Variants in GARIN5A observed in about 807,000 individuals in gnomAD.
The protein encoded by GARIN5A is Golgi-associated RAB2 interactor protein 5A.
chr19:50,469,376 C>T, the GARIN5A span, among the ~76,000 whole-genome samples: 3 of 152,188 alleles, frequency 2.0e-5, no homozygotes, highest in African/African-American at 4.8e-5. Context: ...GAGACTTCCC[C>T]GTAGTCCTTT....
chr19:50,467,844 G>GCTTC, the GARIN5A span: 2 of 1,611,556 alleles, frequency 1.2e-6, no homozygotes, highest in Non-Finnish European at 1.7e-6. Context: ...GTGGGAGGAA[G>GCTTC]GGGCGGCCTC....
the GARIN5A span, chr19:50,476,684 C>G: frequency 7.1e-7 from 1 of 1,402,554 alleles, no homozygotes; most frequent in South Asian, 1.4e-5. Context: ...CTGTGCATAG[C>G]GGGCGCGGTC....
the GARIN5A span, among the ~76,000 whole-genome samples, chr19:50,472,168 G>GTGTGTATATGTA: frequency 2.4e-5 from 3 of 123,956 alleles, no homozygotes; most frequent in Admixed American, 1.6e-4. Flanking sequence ...GTATGTATAC[G>GTGTGTATATGTA]TGTGTATATG....
At chr19:50,471,843 TGC>T in the GARIN5A span, among the ~76,000 whole-genome samples, 734 of 148,914 alleles carry the variant, frequency 4.9e-3, 10 homozygotes, top group East Asian at 0.025. Context: ...CATATCTGTG[TGC>T]ATACGCATAC....
chr19:50,472,061 T>C, the GARIN5A span, among the ~76,000 whole-genome samples: 1 of 135,622 alleles, frequency 7.4e-6, no homozygotes, highest in African/African-American at 3.6e-5. Flanking sequence ...TATACGTGTG[T>C]GTATATGTGT....
the GARIN5A span, among the ~76,000 whole-genome samples, chr19:50,472,281 A>G: frequency 4.2e-3 from 613 of 145,038 alleles, 13 homozygotes; most frequent in African/African-American, 0.016. Context: ...GTATATATAC[A>G]TGTATGTGTG....
chr19:50,471,946 A>G, the GARIN5A span, among the ~76,000 whole-genome samples: 342 of 148,430 alleles, frequency 2.3e-3, 6 homozygotes, highest in Non-Finnish European at 3.8e-3. Flanking sequence ...GTGTAAGTAT[A>G]TATACATGTA....
chr19:50,475,821 G>T, the GARIN5A span: 62 of 1,598,374 alleles, frequency 3.9e-5, no homozygotes, highest in Non-Finnish European at 1.0e-5. Context: ...AGGGGGTTCT[G>T]GGGCTCCCTA....
chr19:50,467,536 C>A, the GARIN5A span: 12 of 1,467,594 alleles, frequency 8.2e-6, no homozygotes, highest in Middle Eastern at 1.7e-4. Context: ...TGCCCCACTG[C>A]GCTTCCCCCC....
the GARIN5A span, chr19:50,476,104 C>T: frequency 1.9e-6 from 3 of 1,612,044 alleles, no homozygotes; most frequent in Non-Finnish European, 1.7e-6. Context: ...GGTCCAACCC[C>T]TCTAGGCCTG....
chr19:50,475,356 C>A, the GARIN5A span: 1 of 1,604,778 alleles, frequency 6.2e-7, no homozygotes, highest in Non-Finnish European at 8.5e-7. Context: ...TTCTCCTTGG[C>A]AGGGCCGGCC....
the GARIN5A span, among the ~76,000 whole-genome samples, chr19:50,472,187 C>CGTGTGTATACGT: frequency 2.7e-4 from 32 of 119,176 alleles, 1 homozygote; most frequent in African/African-American, 7.4e-4. Context: ...TGTATGTATA[C>CGTGTGTATACGT]ATGTATGTGT....
At chr19:50,466,808 CT>C in the GARIN5A span, 7 of 153,092 alleles carry the variant, frequency 4.6e-5, no homozygotes, top group African/African-American at 1.7e-4. This position sits in a 1 kb window ranked among gnomAD's most constrained non-coding sequence, Gnocchi z 4.9. Flanking sequence ...ATGGACTGAC[CT>C]TTATTAACTT....
At chr19:50,476,662 AGTGCTCT>A in the GARIN5A span, 1 of 1,511,292 alleles carries the variant, frequency 6.6e-7, no homozygotes, top group Non-Finnish European at 8.8e-7. Context: ...GCGAGGGGTG[AGTGCTCT>A]TTAGCTGTGC....
the GARIN5A span, among the ~76,000 whole-genome samples, chr19:50,472,207 T>C: frequency 3.6e-5 from 5 of 139,606 alleles, no homozygotes; most frequent in African/African-American, 1.1e-4. Context: ...TGCATGTATA[T>C]ACATGTGTGT....
chr19:50,468,902 C>T, the GARIN5A span, among the ~76,000 whole-genome samples: 1 of 152,090 alleles, frequency 6.6e-6, no homozygotes, highest in Admixed American at 6.6e-5. Flanking sequence ...ACTTTGCCTG[C>T]CACCTTTAAA....
the GARIN5A span, among the ~76,000 whole-genome samples, chr19:50,467,262 G>A: frequency 5.3e-3 from 799 of 152,186 alleles, 2 homozygotes; most frequent in African/African-American, 0.019. Context: ...GGGTGGCTGT[G>A]TGTGTTCCCA....
At chr19:50,466,790 G>A in the GARIN5A span, 1 of 153,874 alleles carries the variant, frequency 6.5e-6, no homozygotes, top group Non-Finnish European at 1.4e-5. The surrounding 1 kb of genome is among the most constrained non-coding windows in gnomAD (Gnocchi z 4.9). Flanking sequence ...CCTGCTTGTT[G>A]GTTCTTAATG....
chr19:50,472,250 T>TAC, the GARIN5A span, among the ~76,000 whole-genome samples: 25 of 105,314 alleles, frequency 2.4e-4, no homozygotes, highest in African/African-American at 1.2e-3. Context: ...GTATTATATA[T>TAC]ACATGTATGT....
Sources: allele counts gnomAD v4.1 joint callset (sites outside exome capture counted in the v4.1 genomes callset), GRCh38; gene constraint gnomAD v4.1.1; non-coding constraint Gnocchi (gnomAD v3.1); transcripts MANE v1.5; gene names NCBI Gene and HGNC (gene_info 2026-07-23, HGNC 2026-07-21).